Variants in CFAP74 observed in about 807,000 individuals in gnomAD.
The protein encoded by CFAP74 is cilia and flagella associated protein 74, also known as cilia- and flagella-associated protein 74.
CFAP74 carries 124 observed loss-of-function variants against 188.9 expected under a neutral mutation model. The ratio of observed to expected loss-of-function variants is 0.66; its 90% CI spans 0.57 to 0.76. CFAP74 has a LOEUF of 0.76. Among genes scored for constraint, CFAP74 ranks in the 30% least tolerant of loss-of-function variants. The probability of loss-of-function intolerance (pLI) is 0.00; values close to 1 mark genes in which losing one functional copy is unlikely to be tolerated. For synonymous variants in CFAP74, 956 were observed against 916.7 expected (o/e 1.04, Z -0.77); for missense variants, 2,198 against 2,165.2 (o/e 1.02, Z -0.30).
At chr1:1,958,968 G>T (rs914836436) in intron 16 of CFAP74, 152 bp downstream of exon 16, 9 of 615,854 alleles carry the variant, frequency 1.5e-5, no homozygotes, top group Non-Finnish European at 2.6e-5. Context: ...CTGAGCTGCT[G>T]TTGGAAGAAG....
At chr1:1,994,882 A>G (rs906276396) in intron 1 of CFAP74, among the ~76,000 whole-genome samples, 1 of 152,200 alleles carries the variant, frequency 6.6e-6, no homozygotes, top group African/African-American at 2.4e-5. Context: ...GGCAAGGGTC[A>G]TTGGGAGAAA....
intron 26 of CFAP74, 63 bp downstream of exon 26, chr1:1,929,997 A>G (rs2102034354): frequency 2.7e-6 from 4 of 1,455,262 alleles, no homozygotes; most frequent in Non-Finnish European, 3.6e-6. Context: ...CAGACACCCC[A>G]GGGGTAAATG....
Position 1,975,334 on chromosome 1 carries a change from T to C in CFAP74, c.501-1136A>G, listed in dbSNP as rs910906052. Among the ~76,000 whole-genome samples, 8 of 152,232 alleles carry C rather than the reference T, an allele frequency of 5.3e-5. No individual in the cohort carries two copies. The highest frequency in any genetic ancestry group is 1.7e-4 in the African/African-American group (7 of 41,456). ...ATGGTTTTCTCTTTTAACGTGTTAA[T>C]GTCAAGGATTTCTAACGTTGAGCCT... On this transcript the variant is annotated intron_variant, in intron 6 of 38. Coordinates refer to ENST00000682832, the MANE Select transcript of CFAP74 (RefSeq NM_001304360.2). This position sits in a 1 kb window ranked among gnomAD's most constrained non-coding sequence, Gnocchi z 4.5.
intron 6 of CFAP74, among the ~76,000 whole-genome samples, chr1:1,978,162 CAGTG>C (rs1418780747): frequency 1.3e-5 from 2 of 152,338 alleles, no homozygotes; most frequent in Non-Finnish European, 2.9e-5. Flanking sequence ...GTGAGTGTGA[CAGTG>C]AGTGTGACCA....
intron 25 of CFAP74, among the ~76,000 whole-genome samples, chr1:1,938,289 A>C (rs1221098189): frequency 6.6e-6 from 1 of 151,710 alleles, no homozygotes; most frequent in Non-Finnish European, 1.5e-5. Flanking sequence ...ATGCACTCAC[A>C]CTCAACCTTA....
At chr1:1,958,937 T>G (rs1459410788) in intron 16 of CFAP74, among the ~76,000 whole-genome samples, 183 bp downstream of exon 16, 1 of 152,114 alleles carries the variant, frequency 6.6e-6, no homozygotes, top group Non-Finnish European at 1.5e-5. Flanking sequence ...AGACCCCACC[T>G]AAGGTTCGGC....
chr1:1,982,314 G>A (rs1341978995), intron 6 of CFAP74, among the ~76,000 whole-genome samples: 1 of 141,510 alleles, frequency 7.1e-6, no homozygotes, highest in African/African-American at 2.6e-5. Context: ...ACACCCAGCC[G>A]TGGTCACACG....
intron 24 of CFAP74, 64 bp downstream of exon 24, chr1:1,939,530 G>A: frequency 6.9e-7 from 1 of 1,451,026 alleles, no homozygotes; most frequent in Non-Finnish European, 9.3e-7. Context: ...AGTGGCCGCT[G>A]CATCCTGTCC....
intron 19 of CFAP74, among the ~76,000 whole-genome samples, chr1:1,946,730 A>T (rs530362451): frequency 2.6e-5 from 4 of 152,248 alleles, no homozygotes; most frequent in African/African-American, 7.2e-5. Flanking sequence ...ATCCACCCCA[A>T]GTTTCACCCA....
chr1:1,934,821 C>G (rs74201002), intron 25 of CFAP74, among the ~76,000 whole-genome samples: 1,103 of 31,940 alleles, frequency 0.035, 157 homozygotes, highest in South Asian at 0.071. Flanking sequence ...GTGGGTGTTA[C>G]GTTGTAGGTA....
chr1:1,937,157 CG>C lies in CFAP74; in HGVS notation c.3011+1697del, dbSNP rs753199278. Among the ~76,000 whole-genome samples the C allele has an allele frequency of 1.3e-3, 199 of 152,316 alleles. 1 individual carries two copies. Among genetic ancestry groups the C allele is most frequent in the Admixed American group, 3.9e-3 (59 of 15,304 alleles). Reference sequence around the variant, plus strand: ...ACAGGGTTGGAAACTGCAACATGGCCGTGATTACGGATGGAACGTGCAAAGC... The same window carrying C: ...ACAGGGTTGGAAACTGCAACATGGCCTGATTACGGATGGAACGTGCAAAGC... On this transcript the variant is annotated intron_variant, in intron 25 of 38. Coordinates refer to ENST00000682832, the MANE Select transcript of CFAP74 (RefSeq NM_001304360.2).
chr1:1,925,975 C>G (rs1570813890), intron 32 of CFAP74, 37 bp from the exon 33 acceptor site: 1 of 1,544,656 alleles, frequency 6.5e-7, no homozygotes, highest in Non-Finnish European at 8.8e-7. Flanking sequence ...GAACCGATGT[C>G]TGCTGGAGCC....
At chr1:1,969,608 C>T (rs1412987667) in intron 10 of CFAP74, among the ~76,000 whole-genome samples, 2 of 152,352 alleles carry the variant, frequency 1.3e-5, no homozygotes, top group East Asian at 3.9e-4. Flanking sequence ...TAAAGATGTT[C>T]ATCCACTCAC....
rs933082473 is a variant in CFAP74, at chr1:1,940,312, A to G, written c.2703+4T>C. On this transcript the variant is annotated splice_donor_region_variant and intron_variant, in intron 23 of 38. Coordinates refer to ENST00000682832, the MANE Select transcript of CFAP74 (RefSeq NM_001304360.2). ...GCATCCCTGGGAAGTGCCCCAACAC[A>G]GACCTGGTCGGCAACCCATATGGTC... is the stretch of plus-strand genomic sequence containing the variant. The G allele has an allele frequency of 2.0e-6, 3 of 1,535,038 alleles. No individual in the cohort carries two copies. Among genetic ancestry groups the G allele is most frequent in the Admixed American group, 2.0e-5 (1 of 50,976 alleles).
rs1379883649 is a variant in CFAP74 at position 1,975,041 on chromosome 1, C to G, written c.501-843G>C. 2.6e-4 allele frequency among the ~76,000 whole-genome samples: 40 copies of G among 152,248 alleles called. 1 individual carries two copies. Among genetic ancestry groups the G allele is most frequent in the Admixed American group, 2.6e-3 (40 of 15,280 alleles). ...GCCACGCGAGGATCAGAACCCTGGACAAGGTCAGACGCAGGCGTTGAGCCG... is the reference window on the plus strand; with the variant it reads ...GCCACGCGAGGATCAGAACCCTGGAGAAGGTCAGACGCAGGCGTTGAGCCG... On this transcript the variant is annotated intron_variant, in intron 6 of 38. Coordinates refer to ENST00000682832, the MANE Select transcript of CFAP74 (RefSeq NM_001304360.2). The surrounding 1 kb of genome is among the most constrained non-coding windows in gnomAD (Gnocchi z 4.5).
chr1:1,974,007 G>A lies in CFAP74; in HGVS notation c.674+18C>T, dbSNP rs1225491251. 2.0e-6 allele frequency: 3 copies of A among 1,534,396 alleles called. 1 individual carries two copies. In the Admixed American group the frequency reaches 5.8e-5, roughly 30 times the overall value. On this transcript the variant is annotated intron_variant, in intron 7 of 38. Transcript: ENST00000682832. ...AAGCTGCTGGGAAGGGATGGAGGTG[G>A]GCCTGGGTGTCGCCTACCTGATCCT... is the stretch of plus-strand genomic sequence containing the variant.
intron 14 of CFAP74, 144 bp downstream of exon 14, chr1:1,963,605 C>G: frequency 1.8e-6 from 1 of 561,248 alleles, no homozygotes; most frequent in Non-Finnish European, 3.1e-6. Context: ...ACAGAGGAGC[C>G]CCCTCTACAA....
intron 1 of CFAP74, among the ~76,000 whole-genome samples, chr1:1,993,366 C>T (rs560069650): frequency 2.4e-4 from 37 of 151,908 alleles, no homozygotes; most frequent in Non-Finnish European, 4.9e-4. Flanking sequence ...CTCACTGCAG[C>T]CTCCAACTCC....
chr1:1,972,048 A>C lies in CFAP74; in HGVS notation c.820T>G (p.Cys274Gly), dbSNP rs769115578. 2.5e-6 allele frequency: 4 copies of C among 1,612,942 alleles called. 1 individual carries two copies. In the South Asian group the frequency reaches 4.4e-5, roughly 18 times the overall value. ...REQEKKEEME[C>G]HEYMRRRMDA... Reference sequence around the variant, plus strand: ...ATGCGTCGCCTCATGTACTCGTGGCACTCCATCTCCTCCTTCTTCTCTTGC... The same window carrying C: ...ATGCGTCGCCTCATGTACTCGTGGCCCTCCATCTCCTCCTTCTTCTCTTGC... Residue 274 changes from cysteine (C) to glycine (G), a missense_variant, in exon 9 of 39, where the codon TGC becomes GGC. Physicochemically the swap from Cys to Gly is radical, Grantham distance 159. Coordinates refer to ENST00000682832, the MANE Select transcript of CFAP74 (RefSeq NM_001304360.2).
Sources: allele counts gnomAD v4.1 joint callset (sites outside exome capture counted in the v4.1 genomes callset), GRCh38; gene constraint gnomAD v4.1.1; non-coding constraint Gnocchi (gnomAD v3.1); transcripts MANE v1.5; gene names NCBI Gene and HGNC (gene_info 2026-07-23, HGNC 2026-07-21).